NBPF20: variants seen among roughly 807,000 people sequenced by gnomAD.
NBPF20 encodes NBPF family member NBPF20.
NBPF20 carries 90 observed loss-of-function variants against 68.1 expected under a neutral mutation model. The ratio of observed to expected loss-of-function variants is 1.32; its 90% CI spans 1.11 to 1.58. The LOEUF (loss-of-function observed/expected upper bound fraction) is 1.58, where lower values mean the gene tolerates loss of function less well. Ranked by LOEUF, NBPF20 falls within the 40% of genes most tolerant of loss-of-function variation. The pLI is 0.00. For synonymous variants in NBPF20, 290 were observed against 228.1 expected (o/e 1.27, Z -2.45); for missense variants, 816 against 601.2 (o/e 1.36, Z -3.74).
rs1287113487 is a variant in NBPF20 at position 145,296,116 on chromosome 1, G to A, written c.16138+222C>T. ...AACATCATGAGAGTAGGATTAGGGC[G>A]CCACAGGCATGGCCTGAGACTAGGA... On this transcript the variant is annotated intron_variant, in intron 132 of 137. Transcript: ENST00000369373. The A allele has an allele frequency of 4.7e-4, 26 of 55,562 alleles. 1 individual carries two copies. The highest frequency in any genetic ancestry group is 1.9e-3 in the African/African-American group (7 of 3,726). The allele number at this position is 55,562 out of a possible 1,614,324, so 3.4% of individuals were successfully genotyped here.
chr1:145,311,815 T>C (rs1160268196), intron 112 of NBPF20, among the ~76,000 whole-genome samples: 2 of 97,994 alleles, frequency 2.0e-5, no homozygotes, highest in Non-Finnish European at 4.0e-5. Context: ...AACTGCACTA[T>C]TCAGCCCTGT....
chr1:145,291,534 G>T (rs1355893095), exon 138 of NBPF20: 6 of 1,611,750 alleles, frequency 3.7e-6, no homozygotes, highest in Non-Finnish European at 4.2e-6. Flanking sequence ...GTTTATTGTG[G>T]GAATATGACT....
the NBPF20 span, among the ~76,000 whole-genome samples, chr1:145,423,976 T>A: frequency 7.5e-6 from 1 of 133,134 alleles, no homozygotes; most frequent in Non-Finnish European, 1.6e-5. Flanking sequence ...TTACCTGTAC[T>A]TTTTTTTTTT....
chr1:145,422,345 T>C, the NBPF20 span, among the ~76,000 whole-genome samples: 1 of 148,776 alleles, frequency 6.7e-6, no homozygotes, highest in Non-Finnish European at 1.5e-5. Flanking sequence ...CACCACATAC[T>C]TCCCTTAATA....
intron 137 of NBPF20, among the ~76,000 whole-genome samples, chr1:145,292,050 A>G (rs1553657948): frequency 6.7e-6 from 1 of 149,386 alleles, no homozygotes; most frequent in Non-Finnish European, 1.5e-5. Flanking sequence ...GTCAAAGGAC[A>G]CTCTGAGTTA....
the NBPF20 span, among the ~76,000 whole-genome samples, chr1:145,420,150 T>G: frequency 5.9e-5 from 8 of 135,604 alleles, no homozygotes; most frequent in East Asian, 4.5e-4. Context: ...GACGGCAGGG[T>G]GGAAACAAGA....
chr1:145,411,001 G>A, the NBPF20 span, among the ~76,000 whole-genome samples: 2 of 138,794 alleles, frequency 1.4e-5, no homozygotes, highest in African/African-American at 2.6e-5. Flanking sequence ...CTCTTCCACT[G>A]ATATATATTC....
intron 4 of NBPF20, among the ~76,000 whole-genome samples, chr1:145,401,433 C>T (rs1662518404): frequency 1.5e-5 from 2 of 131,802 alleles, no homozygotes; most frequent in Non-Finnish European, 3.3e-5. Flanking sequence ...CCCCATCCTG[C>T]CAGATCTGAT....
chr1:145,402,971 G>A (rs1662596226), intron 3 of NBPF20, among the ~76,000 whole-genome samples: 1 of 151,708 alleles, frequency 6.6e-6, no homozygotes. Flanking sequence ...TTTGTGTTAT[G>A]TAAATTTCAC....
chr1:145,400,499 T>C, exon 6 of NBPF20: 1 of 1,613,080 alleles, frequency 6.2e-7, no homozygotes. Context: ...ATGTGGCTGG[T>C]TGGAGTCATA....
chr1:145,421,194 G>T, the NBPF20 span, among the ~76,000 whole-genome samples: 96 of 152,016 alleles, frequency 6.3e-4, 1 homozygote, highest in Non-Finnish European at 1.1e-3. Context: ...TAGTGAACAA[G>T]AATTCGATTC....
Position 145,395,171 on chromosome 1 carries a change from G to C in NBPF20, c.828-30C>G. 2.9e-6 allele frequency: 4 copies of C among 1,371,954 alleles called. No homozygotes were observed. In the South Asian group the frequency reaches 4.7e-5, roughly 16 times the overall value. The allele number at this position is 1,371,954 out of a possible 1,614,324, so 85.0% of individuals were successfully genotyped here. ...TGAGCCAGGCAGGACAGGGATGATAGAAGATTTAACCAACAGACATTAGAC... is the reference window on the plus strand; with the variant it reads ...TGAGCCAGGCAGGACAGGGATGATACAAGATTTAACCAACAGACATTAGAC... On this transcript the variant is annotated intron_variant, in intron 7 of 137. Coordinates refer to ENST00000369373, the Ensembl canonical transcript of NBPF20.
upstream of NBPF20, among the ~76,000 whole-genome samples, chr1:145,410,556 G>A (rs1372281245): frequency 6.7e-6 from 1 of 150,264 alleles, no homozygotes; most frequent in African/African-American, 2.4e-5. Context: ...CTCGTGATCC[G>A]CCCGCCTCGG....
At chr1:145,393,545 A>T (rs1255400544) in intron 9 of NBPF20, among the ~76,000 whole-genome samples, 1 of 151,894 alleles carries the variant, frequency 6.6e-6, no homozygotes, top group Non-Finnish European at 1.5e-5. Context: ...GTCAAAGGAC[A>T]CTCTGTATTT....
rs1271472705 is a variant in NBPF20, at chr1:145,352,340, C to A, written c.7350-251G>T. Among the ~76,000 whole-genome samples, 7 of 89,228 alleles carry A rather than the reference C, an allele frequency of 7.8e-5. No homozygotes were observed. The East Asian group carries it at 1.0e-3, about 13-fold the overall frequency. 58.5% of individuals were successfully genotyped at this position (89,228 alleles called of 152,430 possible). On this transcript the variant is annotated intron_variant, in intron 61 of 137. Transcript: ENST00000369373. ...ACACACACACACACAGACACACACACACACACAGAGAGAACGAGCTCAGTG... is the reference window on the plus strand; with the variant it reads ...ACACACACACACACAGACACACACAAACACACAGAGAGAACGAGCTCAGTG...
chr1:145,400,694 G>A lies in NBPF20; in HGVS notation c.567-100C>T, dbSNP rs1662483033. Reference sequence around the variant, plus strand: ...TTTTGACAGGCGGCATTAAGAGAGTGGTCCCAGAAAGCAAAATGGAGGTTC... The same window carrying A: ...TTTTGACAGGCGGCATTAAGAGAGTAGTCCCAGAAAGCAAAATGGAGGTTC... On this transcript the variant is annotated intron_variant, in intron 5 of 137. Coordinates refer to ENST00000369373, the Ensembl canonical transcript of NBPF20. The A allele has an allele frequency of 7.4e-5, 111 of 1,506,430 alleles. 2 individuals carry two copies. The South Asian group carries it at 1.2e-3, about 16-fold the overall frequency. The allele number at this position is 1,506,430 out of a possible 1,614,324, so 93.3% of individuals were successfully genotyped here.
At chr1:145,425,595 G>GGGCGCGTCAAGAGAGCCCAAGGCGCA in the NBPF20 span, among the ~76,000 whole-genome samples, 2 of 152,220 alleles carry the variant, frequency 1.3e-5, no homozygotes, top group African/African-American at 4.8e-5. Context: ...GGGTCTCGCC[G>GGGCGCGTCAAGAGAGCCCAAGGCGCA]GGCGCGTCAA....
At chr1:145,410,538 C>T (rs1662965530), upstream of NBPF20, among the ~76,000 whole-genome samples, 2 of 150,696 alleles carry the variant, frequency 1.3e-5, no homozygotes, top group Non-Finnish European at 3.0e-5. Flanking sequence ...TGGTCTCGAT[C>T]TCCTGACCTC....
intron 112 of NBPF20, among the ~76,000 whole-genome samples, chr1:145,311,845 G>A (rs1226199432): frequency 2.1e-4 from 23 of 109,466 alleles, no homozygotes; most frequent in Non-Finnish European, 4.0e-4. Context: ...TACTCAGATT[G>A]TTCACGGTAG....
Sources: gnomAD v4.1 joint callset for allele counts (sites outside exome capture counted in the v4.1 genomes callset) on GRCh38, gnomAD v4.1.1 for gene constraint, MANE v1.5 for transcripts, NCBI Gene and HGNC (gene_info 2026-07-23, HGNC 2026-07-21) for gene names.